The following INPP5A variants were observed in gnomAD, a reference collection of about 807,000 sequenced individuals.
The protein encoded by INPP5A is 43 kDa inositol polyphosphate 5-phophatase.
Under a neutral mutation model 65.2 loss-of-function variants are expected in INPP5A, and 14 were observed. The observed-to-expected ratio is 0.21, with a 90% CI of 0.14 to 0.34. INPP5A has a LOEUF of 0.34. Ranked by LOEUF, INPP5A falls within the 10% of genes least tolerant of loss-of-function variation. The pLI is 1.00. For missense variants in INPP5A, 431 were observed against 545.6 expected (o/e 0.79, Z 2.09); for synonymous variants, 207 against 208.3 (o/e 0.99, Z 0.05).
At chr10:132,752,966 C>A (rs912964951) in intron 11 of INPP5A, among the ~76,000 whole-genome samples, 2 of 152,088 alleles carry the variant, frequency 1.3e-5, no homozygotes, top group Non-Finnish European at 2.9e-5. Context: ...ATTGCGGAGG[C>A]CTGGTGCACT....
intron 1 of INPP5A, among the ~76,000 whole-genome samples, chr10:132,581,037 C>A (rs1170211705): frequency 6.6e-6 from 1 of 152,210 alleles, no homozygotes; most frequent in Non-Finnish European, 1.5e-5. Flanking sequence ...CCATACCTTT[C>A]CCTGGCCCTC....
At chr10:132,592,697 G>A (rs562368941) in intron 1 of INPP5A, among the ~76,000 whole-genome samples, 6 of 152,364 alleles carry the variant, frequency 3.9e-5, no homozygotes, top group East Asian at 3.9e-4. Context: ...GTGAGCCACC[G>A]TGTCCGGCCA....
Position 132,762,341 on chromosome 10 carries a change from T to C in INPP5A, c.904-3432T>C, listed in dbSNP as rs947202622. Among the ~76,000 whole-genome samples the C allele has an allele frequency of 1.3e-5, 2 of 152,212 alleles. No individual in the cohort carries two copies. The highest frequency in any genetic ancestry group is 2.9e-5 in the Non-Finnish European group (2 of 68,042). ...AGCGGAACATCAAAGACGAAGAGAATATTTTTGAAGCATTGTGGGAAAAAT... is the reference window on the plus strand; with the variant it reads ...AGCGGAACATCAAAGACGAAGAGAACATTTTTGAAGCATTGTGGGAAAAAT... On this transcript the variant is annotated intron_variant, in intron 11 of 15. Coordinates refer to ENST00000368594, the MANE Select transcript of INPP5A (RefSeq NM_005539.5). This position sits in a 1 kb window ranked among gnomAD's most constrained non-coding sequence, Gnocchi z 4.6.
chr10:132,643,389 A>G (rs1169195949), intron 2 of INPP5A, among the ~76,000 whole-genome samples: 1 of 152,282 alleles, frequency 6.6e-6, no homozygotes, highest in South Asian at 2.1e-4. Context: ...TAGTCCCAGC[A>G]CTTTGGGAGG....
intron 8 of INPP5A, among the ~76,000 whole-genome samples, chr10:132,720,443 G>C (rs1293083809): frequency 6.6e-6 from 1 of 150,562 alleles, no homozygotes; most frequent in Non-Finnish European, 1.5e-5. Context: ...GGGCGCCTTA[G>C]ACGGCTGTCT....
At chr10:132,539,129 C>T (rs923460958) in intron 1 of INPP5A, among the ~76,000 whole-genome samples, 5 of 152,108 alleles carry the variant, frequency 3.3e-5, no homozygotes, top group African/African-American at 4.8e-5. Context: ...GGCCTTGAGC[C>T]TGCAGAATTC....
intron 4 of INPP5A, among the ~76,000 whole-genome samples, chr10:132,664,866 G>A (rs772036207): frequency 2.0e-5 from 3 of 152,212 alleles, no homozygotes; most frequent in Non-Finnish European, 4.4e-5. Context: ...TCAGGGCAGC[G>A]TTTAGTGCAT....
At chr10:132,645,813 G>C in intron 2 of INPP5A, 55 bp from the exon 3 acceptor site, 1 of 1,377,234 alleles carries the variant, frequency 7.3e-7, no homozygotes, top group Non-Finnish European at 1.0e-6. Flanking sequence ...GTGGTGCCAC[G>C]TGTGGCTCTG....
At chr10:132,609,104 C>A (rs2071905285) in intron 2 of INPP5A, among the ~76,000 whole-genome samples, 2 of 152,234 alleles carry the variant, frequency 1.3e-5, no homozygotes, top group Non-Finnish European at 2.9e-5. Context: ...GTGTGCTTAG[C>A]ACCTATGTGG....
At chr10:132,643,539 A>G (rs577823313) in intron 2 of INPP5A, among the ~76,000 whole-genome samples, 5 of 152,302 alleles carry the variant, frequency 3.3e-5, no homozygotes, top group African/African-American at 1.2e-4. Flanking sequence ...TAAATAACCT[A>G]TAAGTGTAAT....
At chr10:132,652,249 A>G (rs921591933) in intron 4 of INPP5A, among the ~76,000 whole-genome samples, 1 of 152,270 alleles carries the variant, frequency 6.6e-6, no homozygotes, top group Non-Finnish European at 1.5e-5. Context: ...AGAAAAGAGA[A>G]GGTGACTGAA....
intron 6 of INPP5A, among the ~76,000 whole-genome samples, chr10:132,703,792 A>G (rs1222776694): frequency 1.5e-4 from 6 of 40,342 alleles, no homozygotes; most frequent in African/African-American, 7.0e-4. Flanking sequence ...CTTCACCCCC[A>G]CACACACGCT....
At chr10:132,723,785 C>T (rs1845936379) in intron 8 of INPP5A, among the ~76,000 whole-genome samples, 1 of 152,142 alleles carries the variant, frequency 6.6e-6, no homozygotes, top group South Asian at 2.1e-4. Context: ...TGCCGCCCTC[C>T]CTCGGGAGCC....
In INPP5A at chr10:132,538,478, C is replaced by A. The variant is rs943568881; in HGVS notation, c.75+307C>A. On this transcript the variant is annotated intron_variant, in intron 1 of 15. Coordinates refer to ENST00000368594, the MANE Select transcript of INPP5A (RefSeq NM_005539.5). The surrounding 1 kb of genome is among the most constrained non-coding windows in gnomAD (Gnocchi z 4.1). ...TGCCTCTGAACTCCTGTCTGCAAAT[C>A]CTGACCTCGAAACTCCAATATTAAA... Among the ~76,000 whole-genome samples the A allele has an allele frequency of 3.3e-5, 5 of 152,168 alleles. No homozygotes were observed. Among genetic ancestry groups the A allele is most frequent in the Non-Finnish European group, 5.9e-5 (4 of 68,020 alleles).
intron 1 of INPP5A, among the ~76,000 whole-genome samples, chr10:132,571,241 G>A (rs145776675): frequency 2.0e-5 from 3 of 152,396 alleles, no homozygotes; most frequent in East Asian, 1.9e-4. Flanking sequence ...AGGAGAGATC[G>A]CCTAGCAAAG....
intron 4 of INPP5A, among the ~76,000 whole-genome samples, chr10:132,685,782 A>C (rs2073107662): frequency 6.6e-6 from 1 of 152,106 alleles, no homozygotes; most frequent in Non-Finnish European, 1.5e-5. Flanking sequence ...TGTTCTTTCC[A>C]AATGTGTGAG....
chr10:132,748,609 C>T (rs183722503), intron 9 of INPP5A, among the ~76,000 whole-genome samples: 149 of 152,320 alleles, frequency 9.8e-4, no homozygotes, highest in African/African-American at 3.4e-3. Context: ...GAGGTTAAGA[C>T]GAGAAGAATT....
chr10:132,613,224 C>G (rs2071983319), intron 2 of INPP5A, among the ~76,000 whole-genome samples: 1 of 152,110 alleles, frequency 6.6e-6, no homozygotes, highest in East Asian at 1.9e-4. Flanking sequence ...CCTCCTGTGA[C>G]CTGCAGCCCC....
At chr10:132,544,677 G>A (rs554975767) in intron 1 of INPP5A, among the ~76,000 whole-genome samples, 3 of 152,104 alleles carry the variant, frequency 2.0e-5, no homozygotes, top group African/African-American at 7.2e-5. Flanking sequence ...ATTTCGGGTC[G>A]GTCCTTGATT....
Sources: allele counts gnomAD v4.1 joint callset (sites outside exome capture counted in the v4.1 genomes callset), GRCh38; gene constraint gnomAD v4.1.1; non-coding constraint Gnocchi (gnomAD v3.1); transcripts MANE v1.5; gene names NCBI Gene and HGNC (gene_info 2026-07-23, HGNC 2026-07-21).